Variants in TAFA2 observed in about 807,000 individuals in gnomAD.
The protein encoded by TAFA2 is TAFA chemokine like family member 2.
In TAFA2, 7 loss-of-function variants were observed where a neutral mutation model predicts 18.8. The observed-to-expected ratio is 0.37, with a 90% confidence interval of 0.21 to 0.70. TAFA2 has a LOEUF of 0.70. Among genes scored for constraint, TAFA2 ranks in the 30% least tolerant of loss-of-function variants. The pLI is 0.53. For synonymous variants in TAFA2, 60 were observed against 54.2 expected, an observed-to-expected ratio of 1.11 and a Z score of -0.47; for missense variants, 122 against 158.1, an observed-to-expected ratio of 0.77 and a Z score of 1.23.
At chr12:61,993,393 T>C (rs1489188338) in intron 1 of TAFA2, among the ~76,000 whole-genome samples, 1 of 152,200 alleles carries the variant, frequency 6.6e-6, no homozygotes, top group Non-Finnish European at 1.5e-5. Context: ...TATATGTGTA[T>C]GTTGGTCTAC....
chr12:61,873,936 A>C (rs909956713), intron 1 of TAFA2, among the ~76,000 whole-genome samples: 1 of 152,224 alleles, frequency 6.6e-6, no homozygotes, highest in Non-Finnish European at 1.5e-5. Context: ...AAGGGTATAC[A>C]GTAACAAATT....
At chr12:62,086,532 G>C (rs1197767911) in intron 1 of TAFA2, among the ~76,000 whole-genome samples, 1 of 151,958 alleles carries the variant, frequency 6.6e-6, no homozygotes, top group Non-Finnish European at 1.5e-5. Context: ...TGGGTAATAA[G>C]AATATAAAAA....
At chr12:62,138,197 T>C (rs1870975377) in intron 1 of TAFA2, among the ~76,000 whole-genome samples, 1 of 152,102 alleles carries the variant, frequency 6.6e-6, no homozygotes, top group African/African-American at 2.4e-5. Context: ...GGCAAGAGGA[T>C]GGTTTGAGCC....
At chr12:62,145,555 T>C (rs1384230317) in intron 1 of TAFA2, 3 of 152,186 alleles carry the variant, frequency 2.0e-5, no homozygotes, top group Admixed American at 1.3e-4. Flanking sequence ...AGAAAATATA[T>C]TCATGAACTC....
intron 1 of TAFA2, among the ~76,000 whole-genome samples, chr12:61,903,828 T>C (rs1180805101): frequency 1.3e-5 from 2 of 152,162 alleles, no homozygotes; most frequent in Non-Finnish European, 2.9e-5. Flanking sequence ...CTTCTATTTT[T>C]CCTTCTGAGA....
chr12:61,875,173 C>T (rs1395086914), intron 1 of TAFA2, among the ~76,000 whole-genome samples: 1 of 151,986 alleles, frequency 6.6e-6, no homozygotes, highest in Non-Finnish European at 1.5e-5. Flanking sequence ...GTAACGAAAG[C>T]TAAAGGTATG....
chr12:62,124,221 A>G (rs1284386291), intron 1 of TAFA2, among the ~76,000 whole-genome samples: 1 of 152,152 alleles, frequency 6.6e-6, no homozygotes, highest in Non-Finnish European at 1.5e-5. Context: ...TCTGGATTAC[A>G]TATGTATTTG....
At chr12:61,975,312 C>T (rs1879390287) in intron 1 of TAFA2, among the ~76,000 whole-genome samples, 1 of 151,748 alleles carries the variant, frequency 6.6e-6, no homozygotes, top group Non-Finnish European at 1.5e-5. Flanking sequence ...CTTCTTCCCT[C>T]ACTTCCACCC....
chr12:61,798,307 G>A (rs533113649), intron 2 of TAFA2, among the ~76,000 whole-genome samples: 3 of 151,858 alleles, frequency 2.0e-5, no homozygotes, highest in African/African-American at 4.8e-5. Flanking sequence ...TGATTCCAGG[G>A]CCACCTGGAC....
intron 1 of TAFA2, among the ~76,000 whole-genome samples, chr12:62,025,088 A>G (rs1292103270): frequency 6.6e-6 from 1 of 152,188 alleles, no homozygotes; most frequent in Non-Finnish European, 1.5e-5. Context: ...CAACCCAGCA[A>G]TCCTAATTCT....
Position 61,851,366 on chromosome 12 carries a change from C to T in TAFA2, c.106+15954G>A, listed in dbSNP as rs374832434. Among the ~76,000 whole-genome samples, 7 of 152,124 alleles carry T rather than the reference C, an allele frequency of 4.6e-5. No homozygotes were observed. In the East Asian group the frequency reaches 1.2e-3, roughly 25 times the overall value. ...AATGTGGCATAAAGGGGCATAGTGC[C>T]TTCAAGAAATTGCCAAAAAGAAGCT... On this transcript the variant is annotated intron_variant, in intron 2 of 4. Coordinates refer to ENST00000416284, the MANE Select transcript of TAFA2 (RefSeq NM_178539.5).
chr12:61,877,054 T>G (rs1874880591), intron 1 of TAFA2, among the ~76,000 whole-genome samples: 1 of 152,202 alleles, frequency 6.6e-6, no homozygotes, highest in African/African-American at 2.4e-5. Context: ...CAGATTTTAA[T>G]ATAACAAAGT....
chr12:62,259,989 C>T (rs892217830), upstream of TAFA2: 4 of 194,570 alleles, frequency 2.1e-5, no homozygotes, highest in Non-Finnish European at 4.4e-5. Context: ...CCCACGCCCC[C>T]ACACCACCGC....
intron 1 of TAFA2, among the ~76,000 whole-genome samples, chr12:61,932,484 G>A (rs1429815485): frequency 3.9e-5 from 6 of 152,174 alleles, no homozygotes; most frequent in Non-Finnish European, 4.4e-5. Context: ...GTTTCATCCA[G>A]GCTGGAGTGC....
At chr12:62,074,890 T>C (rs547527683) in intron 1 of TAFA2, among the ~76,000 whole-genome samples, 1 of 151,848 alleles carries the variant, frequency 6.6e-6, no homozygotes, top group Admixed American at 6.6e-5. Context: ...TTAGTAGAGA[T>C]GGGGTTTTGC....
At chr12:62,035,386 A>T (rs1371947683) in intron 1 of TAFA2, among the ~76,000 whole-genome samples, 1 of 152,212 alleles carries the variant, frequency 6.6e-6, no homozygotes, top group Non-Finnish European at 1.5e-5. Context: ...ACAGGAATAC[A>T]TAGCGCTCTA....
intron 1 of TAFA2, among the ~76,000 whole-genome samples, chr12:62,199,240 C>T (rs1224655175): frequency 1.3e-5 from 2 of 152,072 alleles, no homozygotes; most frequent in Admixed American, 6.6e-5. Flanking sequence ...ATGTGCAAGA[C>T]GTCTAGGTTT....
chr12:62,019,798 A>T (rs1302821507), intron 1 of TAFA2, among the ~76,000 whole-genome samples: 3 of 149,860 alleles, frequency 2.0e-5, no homozygotes, highest in Non-Finnish European at 4.4e-5. Flanking sequence ...GTGCACATGT[A>T]CCCTAAAACT....
At chr12:61,876,585 G>A (rs1459518165) in intron 1 of TAFA2, among the ~76,000 whole-genome samples, 2 of 152,042 alleles carry the variant, frequency 1.3e-5, no homozygotes, top group Non-Finnish European at 2.9e-5. Context: ...TCAAAGGTAG[G>A]TGAACTGAAG....
Sources: gnomAD v4.1 joint callset for allele counts (sites outside exome capture counted in the v4.1 genomes callset) on GRCh38, gnomAD v4.1.1 for gene constraint, MANE v1.5 for transcripts, NCBI Gene and HGNC (gene_info 2026-07-23, HGNC 2026-07-21) for gene names.